Variants in AP2A1 observed in about 807,000 individuals in gnomAD.
AP2A1 encodes adaptor related protein complex 2 subunit alpha 1, also known as AP-2 complex subunit alpha-1.
A neutral mutation model predicts 107.3 loss-of-function variants in AP2A1; 21 were observed. The observed-to-expected ratio is 0.20, with a 90% CI of 0.14 to 0.28. The LOEUF (loss-of-function observed/expected upper bound fraction) is 0.28. Among genes scored for constraint, AP2A1 ranks in the 10% least tolerant of loss-of-function variants. The pLI is 1.00. For missense variants in AP2A1, 873 were observed against 1,307.7 expected (o/e 0.67, Z 5.13); for synonymous variants, 602 against 564.8 (o/e 1.07, Z -0.93).
rs916943511 is a variant in AP2A1 at position 49,802,033 on chromosome 19, C to T, written c.2006C>T (p.Pro669Leu). ...DLLGLRAAPP[P>L]AAPPASAGAG... is the part of the protein sequence containing the mutation. ...CTGGGGCTGCGGGCAGCCCCTCCCCCGGCAGCACCCCCGGCTTCTGCAGGA... is the reference window on the plus strand; with the variant it reads ...CTGGGGCTGCGGGCAGCCCCTCCCCTGGCAGCACCCCCGGCTTCTGCAGGA... Residue 669 changes from proline to leucine, a missense_variant, in exon 15 of 23, where the codon CCG (proline) becomes CTG (leucine). Coordinates refer to ENST00000354293, the MANE Select transcript of AP2A1 (RefSeq NM_130787.3). 5 of 1,568,630 alleles carry T rather than the reference C, an allele frequency of 3.2e-6. No individual in the cohort carries two copies. The African/African-American group carries it at 5.4e-5, about 17-fold the overall frequency.
At chr19:49,802,407 TCTC>T (rs1398002108) in intron 15 of AP2A1, 2 of 1,019,004 alleles carry the variant, frequency 2.0e-6, no homozygotes, top group Admixed American at 4.0e-5. Context: ...CTCTTCCTTT[TCTC>T]CTTCTCTCCT....
chr19:49,783,792 A>T (rs2123698138), intron 4 of AP2A1, among the ~76,000 whole-genome samples: 1 of 152,362 alleles, frequency 6.6e-6, no homozygotes, highest in South Asian at 2.1e-4. Flanking sequence ...CGAAGGCTGT[A>T]CTTCAAAGTG....
At chr19:49,793,295 C>T (rs1172932504) in intron 6 of AP2A1, among the ~76,000 whole-genome samples, 1 of 152,214 alleles carries the variant, frequency 6.6e-6, no homozygotes, top group African/African-American at 2.4e-5. Flanking sequence ...GCCTCAGCTG[C>T]CCCCTGTGTT....
intron 1 of AP2A1, among the ~76,000 whole-genome samples, chr19:49,776,439 A>G (rs2084618424): frequency 6.6e-6 from 1 of 152,008 alleles, no homozygotes; most frequent in East Asian, 1.9e-4. Flanking sequence ...TCAGCCCCGA[A>G]ATGTGTATAC....
intron 6 of AP2A1, among the ~76,000 whole-genome samples, chr19:49,794,897 A>G (rs955773607): frequency 2.6e-5 from 4 of 152,064 alleles, no homozygotes; most frequent in African/African-American, 9.7e-5. Context: ...TCCTGATCTC[A>G]GGTGATCCAC....
In AP2A1 at chr19:49,782,623, C is replaced by G; in HGVS notation, c.372C>G (p.Asn124Lys). ...NAIKNDLASR[N>K]PTFMCLALHC... ...TCAAGAATGACCTGGCCAGCCGCAACCCCACCTTCATGTGCCTGGCCCTGC... is the reference window on the plus strand; with the variant it reads ...TCAAGAATGACCTGGCCAGCCGCAAGCCCACCTTCATGTGCCTGGCCCTGC... Residue 124 changes from asparagine to lysine, a missense_variant, in exon 4 of 23, where the codon AAC becomes AAG. Physicochemically the swap from Asn to Lys is moderately conservative, Grantham distance 94 (BLOSUM62 0). This residue lies in a region of AP2A1 where 87 missense variants were observed against 178.2 expected (regional missense o/e 0.49). Coordinates refer to ENST00000354293, the MANE Select transcript of AP2A1 (RefSeq NM_130787.3). The G allele has an allele frequency of 1.2e-6, 2 of 1,613,842 alleles. No individual in the cohort carries two copies. Among genetic ancestry groups the G allele is most frequent in the Non-Finnish European group, 8.5e-7 (1 of 1,179,840 alleles).
rs889444110 is a variant in AP2A1, at chr19:49,795,671, C to T, written c.747C>T (p.Tyr249=). 6.6e-6 allele frequency: 10 copies of T among 1,508,114 alleles called. No individual in the cohort carries two copies. The highest frequency in any genetic ancestry group is 7.2e-6 in the Non-Finnish European group (8 of 1,118,282). The allele number at this position is 1,508,114 out of a possible 1,614,324, so 93.4% of individuals were successfully genotyped here. A position where few individuals can be genotyped will look rare whatever the true frequency, so the allele number is the denominator to read the frequency against. The change falls in exon 7 of 23, where the codon TAC becomes TAT. Residue 249 remains tyrosine, a synonymous_variant. Transcript: ENST00000354293. ...CCACCGACCTCCAGGACTACACCTA[C>T]TACTTCGTCCCAGCACCCTGGCTCT... ...SASTDLQDYT[Y]YFVPAPWLSV...
At position 49,795,711 on chromosome 19, in the gene AP2A1, C is replaced by A; in HGVS notation, c.787C>A (p.Arg263=). The A allele has an allele frequency of 1.3e-6, 2 of 1,561,386 alleles. No individual in the cohort carries two copies. The highest frequency in any genetic ancestry group is 1.7e-6 in the Non-Finnish European group (2 of 1,153,778). The change falls in exon 7 of 23, where the codon CGG becomes AGG. Residue 263 remains arginine (R), a synonymous_variant. Coordinates refer to ENST00000354293, the MANE Select transcript of AP2A1 (RefSeq NM_130787.3). The part of the protein sequence containing the change: ...PAPWLSVKLL[R]LLQCYPPPED... ...ACCCTGGCTCTCGGTGAAGCTCCTG[C>A]GGCTGCTGCAGTGCTACCCGCCTCC...
chr19:49,802,042 C>T lies in AP2A1; in HGVS notation c.2015C>T (p.Pro672Leu). The T allele has an allele frequency of 1.3e-6, 2 of 1,578,208 alleles. No homozygotes were observed. Among genetic ancestry groups the T allele is most frequent in the Non-Finnish European group, 8.6e-7 (1 of 1,166,596 alleles). Residue 672 changes from proline to leucine, a missense_variant, in exon 15 of 23, where the codon CCC (proline) becomes CTC (leucine). Physicochemically the swap from Pro to Leu is moderately conservative, Grantham distance 98. Transcript: ENST00000354293. ...CGGGCAGCCCCTCCCCCGGCAGCACCCCCGGCTTCTGCAGGAGCAGGGAAC... is the reference window on the plus strand; with the variant it reads ...CGGGCAGCCCCTCCCCCGGCAGCACTCCCGGCTTCTGCAGGAGCAGGGAAC... ...GLRAAPPPAA[P>L]PASAGAGNLL...
chr19:49,792,906 T>G, intron 5 of AP2A1, 85 bp from the exon 6 acceptor site: 1 of 1,203,814 alleles, frequency 8.3e-7, no homozygotes, highest in South Asian at 1.3e-5. Flanking sequence ...TGCACACACA[T>G]CCCGACCCTG....
Position 49,767,033 on chromosome 19 carries a change from C to A in AP2A1, c.-101C>A. 2.3e-6 allele frequency: 3 copies of A among 1,299,288 alleles called. No homozygotes were observed. Among genetic ancestry groups the A allele is most frequent in the Non-Finnish European group, 3.1e-6 (3 of 982,674 alleles). The allele number at this position is 1,299,288 out of a possible 1,614,324, so 80.5% of individuals were successfully genotyped here. A position where few individuals can be genotyped will look rare whatever the true frequency, so the allele number is the denominator to read the frequency against. ...AGCCCTCCCCGCGGCCGGCTCGGCT[C>A]CTTGGCGCTGCCTGGGGTCCTTTCC... On this transcript the variant is annotated 5_prime_UTR_variant, in exon 1 of 23. Transcript: ENST00000354293.
intron 4 of AP2A1, among the ~76,000 whole-genome samples, chr19:49,783,873 C>A (rs2084706795): frequency 6.6e-6 from 1 of 152,216 alleles, no homozygotes; most frequent in Non-Finnish European, 1.5e-5. Context: ...TGGCACGGAG[C>A]AGCCCTCAGA....
chr19:49,805,601 T>C (rs2123768222), intron 19 of AP2A1, 25 bp downstream of exon 19: 5 of 1,559,322 alleles, frequency 3.2e-6, no homozygotes, highest in African/African-American at 1.4e-5. Flanking sequence ...GCGCGGCCGG[T>C]GGGCGGAGCC....
chr19:49,780,069 T>C (rs2084658144), intron 1 of AP2A1, among the ~76,000 whole-genome samples: 1 of 152,242 alleles, frequency 6.6e-6, no homozygotes, highest in Non-Finnish European at 1.5e-5. Flanking sequence ...CACCCCACCC[T>C]GCTGGGGACT....
chr19:49,799,570 GC>G, intron 9 of AP2A1, 58 bp from the exon 10 acceptor site: 1 of 1,599,768 alleles, frequency 6.3e-7, no homozygotes, highest in South Asian at 1.1e-5. Flanking sequence ...CCCTTGGGTG[GC>G]CAACCCTGTG....
In AP2A1 at chr19:49,791,950, T is replaced by C. The variant is rs2123720599; in HGVS notation, c.489T>C (p.Ser163=). The change falls in exon 5 of 23, where the codon AGT becomes AGC. Residue 163 remains serine (S), a synonymous_variant. Transcript: ENST00000354293. ...GTCCCCACAGGGACAGCATGGACAG[T>C]GTCAAGCAGAGTGCGGCCCTGTGCC... ...RILVAGDSMD[S]VKQSAALCLL... The C allele has an allele frequency of 1.9e-6, 3 of 1,610,008 alleles. No homozygotes were observed. In the African/African-American group the frequency reaches 4.0e-5, roughly 22 times the overall value.
intron 1 of AP2A1, among the ~76,000 whole-genome samples, chr19:49,778,825 C>A (rs1224065067): frequency 6.6e-6 from 1 of 151,438 alleles, no homozygotes; most frequent in Non-Finnish European, 1.5e-5. Context: ...AACACATATT[C>A]TTTAAATATG....
chr19:49,787,697 T>C (rs550153714), intron 4 of AP2A1, among the ~76,000 whole-genome samples: 1 of 152,112 alleles, frequency 6.6e-6, no homozygotes, highest in South Asian at 2.1e-4. Context: ...AGTATATTGA[T>C]GATGCTGTGC....
intron 1 of AP2A1, among the ~76,000 whole-genome samples, chr19:49,775,274 T>C: frequency 6.6e-6 from 1 of 152,282 alleles, no homozygotes; most frequent in East Asian, 1.9e-4. Flanking sequence ...TTCATTTTAA[T>C]ATATTTTCTT....
Sources: gnomAD v4.1 joint callset for allele counts (sites outside exome capture counted in the v4.1 genomes callset) on GRCh38, gnomAD v4.1.1 for gene constraint, gnomAD v4.1.1 regional missense constraint, MANE v1.5 for transcripts, NCBI Gene and HGNC (gene_info 2026-07-23, HGNC 2026-07-21) for gene names.